The following GOLGA8B variants were observed in gnomAD, a reference collection of about 807,000 sequenced individuals.
The protein encoded by GOLGA8B is golgin subfamily A member 8B.
A neutral mutation model predicts 15.6 loss-of-function variants in GOLGA8B; 1 was observed. That is an observed-to-expected ratio of 0.06 (90% CI 0.02 to 0.30). The LOEUF (loss-of-function observed/expected upper bound fraction) is 0.30, where lower values mean the gene tolerates loss of function less well. Ranked by LOEUF, GOLGA8B falls within the 10% of genes least tolerant of loss-of-function variation. GOLGA8B has a pLI of 1.00. For synonymous variants in GOLGA8B, 9 were observed against 80.3 expected, an observed-to-expected ratio of 0.11 and a Z score of 4.75; for missense variants, 17 against 201.3, an observed-to-expected ratio of 0.08 and a Z score of 5.54.
intron 1 of GOLGA8B, among the ~76,000 whole-genome samples, chr15:34,574,387 T>A (rs1889011496): frequency 6.6e-6 from 1 of 151,022 alleles, no homozygotes; most frequent in Non-Finnish European, 1.5e-5. Context: ...CACTGCAGCC[T>A]CAACCTCCTG....
intron 1 of GOLGA8B, among the ~76,000 whole-genome samples, chr15:34,578,069 A>C (rs1889131344): frequency 6.6e-6 from 1 of 152,110 alleles, no homozygotes; most frequent in South Asian, 2.1e-4. Context: ...TATGTATCTC[A>C]ACTGAAAATC....
chr15:34,582,797 C>T (rs1247132766), intron 1 of GOLGA8B: 2 of 152,204 alleles, frequency 1.3e-5, no homozygotes, highest in Non-Finnish European at 2.9e-5. Context: ...GACTGGGGGC[C>T]TCGATGTTCT....
chr15:34,562,993 C>T, intron 1 of GOLGA8B, among the ~76,000 whole-genome samples: 1 of 54,916 alleles, frequency 1.8e-5, no homozygotes, highest in Non-Finnish European at 4.5e-5. Context: ...CCACTGCATT[C>T]CAGCCTGGGC....
chr15:34,569,597 TTA>T (rs1888850537), intron 1 of GOLGA8B, among the ~76,000 whole-genome samples: 1 of 151,894 alleles, frequency 6.6e-6, no homozygotes. Flanking sequence ...GTTGGCTGCT[TTA>T]TCTCATAAGA....
intron 1 of GOLGA8B, among the ~76,000 whole-genome samples, chr15:34,578,229 A>G (rs1397352498): frequency 6.6e-6 from 1 of 152,216 alleles, no homozygotes; most frequent in Non-Finnish European, 1.5e-5. Context: ...TTCAAGTGCA[A>G]AATGGAAAAC....
chr15:34,526,996 G>A lies in GOLGA8B; in HGVS notation c.*636C>T, dbSNP rs1687201415. 1.2e-5 allele frequency: 2 copies of A among 162,700 alleles called. No individual in the cohort carries two copies. The highest frequency in any genetic ancestry group is 2.6e-5 in the Non-Finnish European group (2 of 76,418). The allele number at this position is 162,700 out of a possible 1,614,324, so 10.1% of individuals were successfully genotyped here. A position where few individuals can be genotyped will look rare whatever the true frequency, so the allele number is the denominator to read the frequency against. On this transcript the variant is annotated 3_prime_UTR_variant, in exon 24 of 24. Transcript: ENST00000683415. ...CCAGAGCAGGCCACTTTCCTCTTCT[G>A]CGAGATTTAGAAAGCTCCCCCAAAA...
intron 1 of GOLGA8B, among the ~76,000 whole-genome samples, chr15:34,578,977 C>T (rs1464479464): frequency 6.6e-6 from 1 of 152,096 alleles, no homozygotes; most frequent in East Asian, 1.9e-4. Flanking sequence ...TTAAAACTCC[C>T]AGGACAATAA....
intron 1 of GOLGA8B, among the ~76,000 whole-genome samples, chr15:34,566,669 A>T (rs1385408727): frequency 6.9e-6 from 1 of 145,764 alleles, no homozygotes; most frequent in Non-Finnish European, 1.5e-5. Flanking sequence ...TGACAGCACA[A>T]GCAGCTCAGG....
chr15:34,575,270 G>A (rs1157100113), intron 1 of GOLGA8B, among the ~76,000 whole-genome samples: 3 of 149,304 alleles, frequency 2.0e-5, no homozygotes, highest in Non-Finnish European at 3.0e-5. Flanking sequence ...ACCCTCCTGC[G>A]TCCTCACTGC....
chr15:34,570,171 T>C (rs184948300), intron 1 of GOLGA8B, among the ~76,000 whole-genome samples: 126 of 151,406 alleles, frequency 8.3e-4, no homozygotes, highest in Admixed American at 2.0e-3. Flanking sequence ...AGGCTACCAG[T>C]GGCTGCCAGC....
rs1387277377 is a variant in GOLGA8B, at chr15:34,525,998, G to A, written c.*1634C>T. 6.7e-6 allele frequency: 1 copy of A among 149,230 alleles called. No homozygotes were observed. The highest frequency in any genetic ancestry group is 2.5e-5 in the African/African-American group (1 of 40,318). The allele number at this position is 149,230 out of a possible 1,614,324, so 9.2% of individuals were successfully genotyped here. On this transcript the variant is annotated 3_prime_UTR_variant, in exon 24 of 24. Coordinates refer to ENST00000683415, the MANE Select transcript of GOLGA8B (RefSeq NM_001023567.5). ...ATTAGAACTTCATGAAGTTTTAACT[G>A]TTGATTCTTTCCCAAGCATCATCAA...
At chr15:34,579,233 A>G (rs1889164821) in intron 1 of GOLGA8B, among the ~76,000 whole-genome samples, 1 of 151,874 alleles carries the variant, frequency 6.6e-6, no homozygotes, top group Non-Finnish European at 1.5e-5. Context: ...TCCCTTTCTC[A>G]TAAAACCAAA....
rs942048696 is a variant in GOLGA8B, at chr15:34,525,975, T to C, written c.*1657A>G. 7.4e-5 allele frequency: 11 copies of C among 149,240 alleles called. No individual in the cohort carries two copies. The highest frequency in any genetic ancestry group is 1.3e-4 in the Non-Finnish European group (9 of 67,084). The allele number at this position is 149,240 out of a possible 1,614,324, so 9.2% of individuals were successfully genotyped here. A position where few individuals can be genotyped will look rare whatever the true frequency, so the allele number is the denominator to read the frequency against. On this transcript the variant is annotated 3_prime_UTR_variant, in exon 24 of 24. Coordinates refer to ENST00000683415, the MANE Select transcript of GOLGA8B (RefSeq NM_001023567.5). Reference sequence around the variant, plus strand: ...GTGATGTGTTTTGGAACACAGACATTAGAACTTCATGAAGTTTTAACTGTT... The same window carrying C: ...GTGATGTGTTTTGGAACACAGACATCAGAACTTCATGAAGTTTTAACTGTT...
chr15:34,557,012 G>A (rs1398880219), intron 1 of GOLGA8B, among the ~76,000 whole-genome samples: 3 of 144,444 alleles, frequency 2.1e-5, no homozygotes, highest in Admixed American at 7.1e-5. Context: ...TAAGCTCACC[G>A]CTCAGACTCA....
At position 34,526,997 on chromosome 15, in the gene GOLGA8B, C is replaced by T. The variant is rs4041350; in HGVS notation, c.*635G>A. The T allele has an allele frequency of 0.25, 39,808 of 159,804 alleles. 7,788 individuals are homozygous for T. The highest frequency in any genetic ancestry group is 0.38 in the Admixed American group (6,000 of 15,622). 9.9% of individuals were successfully genotyped at this position (159,804 alleles called of 1,614,324 possible). A position where few individuals can be genotyped will look rare whatever the true frequency, so the allele number is the denominator to read the frequency against. On this transcript the variant is annotated 3_prime_UTR_variant, in exon 24 of 24. Coordinates refer to ENST00000683415, the MANE Select transcript of GOLGA8B (RefSeq NM_001023567.5). The stretch of plus-strand genomic sequence containing the variant: ...CAGAGCAGGCCACTTTCCTCTTCTG[C>T]GAGATTTAGAAAGCTCCCCCAAAAG...
At chr15:34,566,685 C>T (rs1253384876) in intron 1 of GOLGA8B, among the ~76,000 whole-genome samples, 1 of 145,134 alleles carries the variant, frequency 6.9e-6, no homozygotes, top group African/African-American at 2.5e-5. Context: ...TCAGGGCCAG[C>T]GGCGCAGGAA....
At chr15:34,565,152 T>TTTA (rs1888726363) in intron 1 of GOLGA8B, among the ~76,000 whole-genome samples, 1 of 107,736 alleles carries the variant, frequency 9.3e-6, no homozygotes, top group Admixed American at 9.0e-5. Flanking sequence ...TTTTTTTTTT[T>TTTA]GAGACGGAGT....
intron 1 of GOLGA8B, among the ~76,000 whole-genome samples, chr15:34,576,619 G>A (rs1889088585): frequency 6.6e-6 from 1 of 152,182 alleles, no homozygotes; most frequent in Non-Finnish European, 1.5e-5. Flanking sequence ...CTTCTAGTAG[G>A]AGCTGTGGGT....
intron 1 of GOLGA8B, among the ~76,000 whole-genome samples, 193 bp downstream of exon 1, chr15:34,583,323 G>C (rs1259052246): frequency 6.6e-6 from 1 of 152,082 alleles, no homozygotes; most frequent in African/African-American, 2.4e-5. Context: ...GAGAGGCGTA[G>C]GCCAGCCGGG....
Sources: gnomAD v4.1 joint callset for allele counts (sites outside exome capture counted in the v4.1 genomes callset) on GRCh38, gnomAD v4.1.1 for gene constraint, MANE v1.5 for transcripts, NCBI Gene and HGNC (gene_info 2026-07-23, HGNC 2026-07-21) for gene names.